The following MAP7D2 variants were observed in gnomAD, a reference collection of about 807,000 sequenced individuals.
The protein encoded by MAP7D2 is MAP7 domain containing 2, also known as MAP7 domain-containing protein 2.
MAP7D2 carries 33 observed loss-of-function variants against 63.5 expected under a neutral mutation model. That is an observed-to-expected ratio of 0.52 (90% CI 0.39 to 0.70). The LOEUF is 0.70. MAP7D2 is among the 30% of genes least tolerant of loss of function. The probability of loss-of-function intolerance (pLI) is 0.00; values close to 1 mark genes in which losing one functional copy is unlikely to be tolerated. For synonymous variants in MAP7D2, 224 were observed against 223.7 expected, an observed-to-expected ratio of 1.00 and a Z score of -0.01; for missense variants, 626 against 604.0, an observed-to-expected ratio of 1.04 and a Z score of -0.38.
intron 6 of MAP7D2, among the ~76,000 whole-genome samples, chrX:20,047,322 G>A (rs1187812332): frequency 1.8e-5 from 2 of 111,939 alleles, no homozygotes; most frequent in Non-Finnish European, 3.8e-5. Flanking sequence ...TTTTTCCAGG[G>A]AACCACATGA....
chrX:20,088,440 G>A lies in MAP7D2; in HGVS notation c.131-23635C>T, dbSNP rs2065971983. On this transcript the variant is annotated intron_variant, in intron 1 of 16. Transcript: ENST00000379643. ...CTCCCTGGTAACTGGGACTACAGGTGTACCCCACCACACCCAGCTAATTTT... is the reference window on the plus strand; with the variant it reads ...CTCCCTGGTAACTGGGACTACAGGTATACCCCACCACACCCAGCTAATTTT... 4.6e-5 allele frequency among the ~76,000 whole-genome samples: 4 copies of A among 87,621 alleles called. No individual in the cohort carries two copies. In the South Asian group the frequency reaches 2.9e-3, roughly 63 times the overall value. 76.1% of individuals were successfully genotyped at this position (87,621 alleles called of 115,157 possible). A position where few individuals can be genotyped will look rare whatever the true frequency, so the allele number is the denominator to read the frequency against.
At chrX:20,083,126 T>C (rs1414597580) in intron 1 of MAP7D2, among the ~76,000 whole-genome samples, 1 of 112,477 alleles carries the variant, frequency 8.9e-6, no homozygotes, top group Non-Finnish European at 1.9e-5. Context: ...AAAAGAACCA[T>C]GAATCTTAAA....
rs1045651669 is a variant in MAP7D2 at position 20,050,734 on chromosome X, A to T, written c.718+90T>A. 21 of 1,009,008 alleles carry T rather than the reference A, an allele frequency of 2.1e-5. No individual in the cohort carries two copies. In the Middle Eastern group the frequency reaches 8.7e-4, roughly 42 times the overall value. 83.2% of individuals were successfully genotyped at this position (1,009,008 alleles called of 1,213,427 possible). ...CTTTTCACAAAGCCAGCAAATAGGA[A>T]GCAAAATCCAAAAATTCAGGAGTAA... On this transcript the variant is annotated intron_variant, in intron 6 of 16. Transcript: ENST00000379643.
chrX:20,069,641 T>C (rs1569110862), intron 1 of MAP7D2, among the ~76,000 whole-genome samples: 1 of 111,186 alleles, frequency 9.0e-6, no homozygotes, highest in Admixed American at 9.6e-5. Flanking sequence ...TGGATGTCTA[T>C]AAAAGGCATC....
chrX:20,109,173 G>A (rs993891447), intron 1 of MAP7D2, among the ~76,000 whole-genome samples: 5 of 108,154 alleles, frequency 4.6e-5, no homozygotes, highest in African/African-American at 1.3e-4. Flanking sequence ...CAGCTCATGC[G>A]CGAAAGGAGT....
intron 1 of MAP7D2, among the ~76,000 whole-genome samples, chrX:20,109,810 C>T (rs1194627929): frequency 1.8e-5 from 2 of 110,919 alleles, no homozygotes; most frequent in East Asian, 5.7e-4. Context: ...CTTTGGGAGG[C>T]GGATCACCTG....
chrX:20,115,266 A>G (rs1301891992), intron 1 of MAP7D2, among the ~76,000 whole-genome samples: 2 of 106,485 alleles, frequency 1.9e-5, no homozygotes, highest in Non-Finnish European at 3.9e-5. Context: ...AAACCCCTTA[A>G]GTTCCTTCAA....
intron 1 of MAP7D2, among the ~76,000 whole-genome samples, chrX:20,078,529 G>A (rs1425021501): frequency 1.8e-5 from 2 of 112,423 alleles, no homozygotes; most frequent in Admixed American, 1.9e-4. Flanking sequence ...TAAGAAAGAG[G>A]AGTGGGCTCT....
intron 8 of MAP7D2, among the ~76,000 whole-genome samples, chrX:20,034,374 T>A (rs2074152142): frequency 9.0e-6 from 1 of 110,514 alleles, no homozygotes; most frequent in African/African-American, 3.3e-5. Flanking sequence ...TTGAGCAGGT[T>A]TGGTCTCAAC....
At chrX:20,012,221 G>A in intron 15 of MAP7D2, 128 bp downstream of exon 15, 1 of 483,604 alleles carries the variant, frequency 2.1e-6, no homozygotes, top group African/African-American at 2.4e-5. Context: ...ACCACTGAGA[G>A]CTTTCCTGTA....
intron 1 of MAP7D2, among the ~76,000 whole-genome samples, chrX:20,082,195 A>G (rs1430221162): frequency 9.0e-6 from 1 of 111,602 alleles, no homozygotes; most frequent in Non-Finnish European, 1.9e-5. Flanking sequence ...TTAGTTTTAA[A>G]ACAAAATGCA....
chrX:20,039,857 G>A (rs1349984554), intron 8 of MAP7D2, among the ~76,000 whole-genome samples: 1 of 109,907 alleles, frequency 9.1e-6, no homozygotes, highest in Non-Finnish European at 1.9e-5. Context: ...AAATTAGCTG[G>A]GCATGGTAGT....
At chrX:20,088,493 T>A (rs1243458575) in intron 1 of MAP7D2, among the ~76,000 whole-genome samples, 2 of 51,432 alleles carry the variant, frequency 3.9e-5, no homozygotes. Flanking sequence ...TTTTTTTTTT[T>A]TTTTTTTTTT....
intron 5 of MAP7D2, among the ~76,000 whole-genome samples, chrX:20,051,558 A>AC (rs967591448): frequency 8.2e-5 from 9 of 109,221 alleles, no homozygotes; most frequent in African/African-American, 2.3e-4. Context: ...AAAAAAAACA[A>AC]ACAAAAAAAA....
Position 20,070,451 on chromosome X carries a change from T to C in MAP7D2, c.131-5646A>G, listed in dbSNP as rs776700459. 1.0e-4 allele frequency among the ~76,000 whole-genome samples: 11 copies of C among 110,144 alleles called. No individual in the cohort carries two copies. In the East Asian group the frequency reaches 3.1e-3, roughly 31 times the overall value. On this transcript the variant is annotated intron_variant, in intron 1 of 16. Transcript: ENST00000379643. ...AATATTTCTTATAGCTGCGTGTGGA[T>C]TGACAATGACCTCAAAATACAAAAG...
At chrX:20,013,415 T>G (rs1179962742) in intron 13 of MAP7D2, among the ~76,000 whole-genome samples, 154 bp downstream of exon 13, 2 of 112,019 alleles carry the variant, frequency 1.8e-5, no homozygotes, top group African/African-American at 6.5e-5. Flanking sequence ...TCTTTTCAGG[T>G]ACCTAACCCT....
At chrX:20,083,224 G>C (rs991928124) in intron 1 of MAP7D2, among the ~76,000 whole-genome samples, 9 of 112,375 alleles carry the variant, frequency 8.0e-5, no homozygotes, top group African/African-American at 2.9e-4. Flanking sequence ...GTAAACCGTG[G>C]AACTGAATAT....
chrX:20,053,977 G>A (rs1283549405), intron 4 of MAP7D2, among the ~76,000 whole-genome samples: 1 of 111,291 alleles, frequency 9.0e-6, no homozygotes, highest in Non-Finnish European at 1.9e-5. Flanking sequence ...CTGAGTAGCT[G>A]GGACTACAGG....
At chrX:20,061,789 C>T (rs1426617165) in intron 3 of MAP7D2, among the ~76,000 whole-genome samples, 1 of 112,475 alleles carries the variant, frequency 8.9e-6, no homozygotes, top group African/African-American at 3.2e-5. Flanking sequence ...TCAAAAGCAG[C>T]CCCCAGTGAC....
Sources: allele counts gnomAD v4.1 joint callset (sites outside exome capture counted in the v4.1 genomes callset), GRCh38; gene constraint gnomAD v4.1.1; transcripts MANE v1.5; gene names NCBI Gene and HGNC (gene_info 2026-07-23, HGNC 2026-07-21).